Variants in MYO9A observed in about 807,000 individuals in gnomAD.
The protein encoded by MYO9A is unconventional myosin-IXa.
Under a neutral mutation model 293.3 loss-of-function variants are expected in MYO9A, and 103 were observed. The ratio of observed to expected loss-of-function variants is 0.35; its 90% CI spans 0.30 to 0.41. The LOEUF (loss-of-function observed/expected upper bound fraction) is 0.41. Among genes scored for constraint, MYO9A ranks in the 10% least tolerant of loss-of-function variants. The pLI is 1.00. For missense variants in MYO9A, 2,685 were observed against 3,033.0 expected (o/e 0.89, Z 2.69); for synonymous variants, 1,001 against 1,035.7 (o/e 0.97, Z 0.64).
At chr15:72,089,492 G>A (rs532154639) in intron 1 of MYO9A, among the ~76,000 whole-genome samples, 5 of 152,090 alleles carry the variant, frequency 3.3e-5, no homozygotes, top group South Asian at 2.1e-4. Flanking sequence ...TTCAAGAACC[G>A]TATGAGCTGG....
chr15:71,911,122 C>T (rs923110129), intron 19 of MYO9A, among the ~76,000 whole-genome samples: 2 of 152,166 alleles, frequency 1.3e-5, no homozygotes, highest in Admixed American at 1.3e-4. Context: ...AATCTGCTTC[C>T]TGCTGCTATA....
chr15:71,910,311 T>A lies in MYO9A; in HGVS notation c.2686-5305A>T, dbSNP rs78586565. 9.7e-3 allele frequency among the ~76,000 whole-genome samples: 1,477 copies of A among 151,612 alleles called. 24 individuals are homozygous for A. The highest frequency in any genetic ancestry group is 0.034 in the African/African-American group (1,392 of 41,412). ...ATTATTATTCTTACTTTTAAGATGA[T>A]AAGTTAATTTTACCTACTATTAAAG... On this transcript the variant is annotated intron_variant, in intron 19 of 41. Coordinates refer to ENST00000356056, the MANE Select transcript of MYO9A (RefSeq NM_006901.4).
intron 12 of MYO9A, among the ~76,000 whole-genome samples, chr15:71,976,079 CG>C (rs1252611682): frequency 6.6e-6 from 1 of 152,048 alleles, no homozygotes; most frequent in Non-Finnish European, 1.5e-5. Context: ...GGATTACAGG[CG>C]GGGGTCTGAA....
chr15:71,832,669 G>C (rs1468030771), intron 39 of MYO9A, among the ~76,000 whole-genome samples: 1 of 152,148 alleles, frequency 6.6e-6, no homozygotes, highest in South Asian at 2.1e-4. Context: ...TCTCACACCA[G>C]CAGACCTGCA....
At chr15:71,956,328 A>ATATATATAT (rs1555490908) in intron 14 of MYO9A, among the ~76,000 whole-genome samples, 122 of 15,110 alleles carry the variant, frequency 8.1e-3, no homozygotes, top group East Asian at 0.031. Flanking sequence ...AAAAAAAAAA[A>ATATATATAT]AAATATATAT....
intron 12 of MYO9A, among the ~76,000 whole-genome samples, chr15:71,972,939 T>A (rs190875839): frequency 2.0e-5 from 3 of 151,852 alleles, no homozygotes; most frequent in South Asian, 2.1e-4. Context: ...TGCAAACTAA[T>A]AAGAAAAAAA....
chr15:72,100,742 A>C (rs2080255008), intron 1 of MYO9A, among the ~76,000 whole-genome samples: 1 of 147,270 alleles, frequency 6.8e-6, no homozygotes, highest in African/African-American at 2.5e-5. Context: ...CCGTCTGAGA[A>C]GTGAGGAGAC....
intron 32 of MYO9A, among the ~76,000 whole-genome samples, chr15:71,867,346 T>C (rs2056363956): frequency 6.6e-6 from 1 of 152,122 alleles, no homozygotes; most frequent in South Asian, 2.1e-4. Context: ...GAGGAAAGTC[T>C]TAACTATGAC....
intron 39 of MYO9A, among the ~76,000 whole-genome samples, chr15:71,835,743 G>C (rs1353004076): frequency 6.6e-6 from 1 of 152,028 alleles, no homozygotes; most frequent in East Asian, 1.9e-4. Flanking sequence ...AAAATCCCAA[G>C]AGAATTTTTT....
At chr15:72,092,942 C>CACAG (rs3220248) in intron 1 of MYO9A, among the ~76,000 whole-genome samples, 32 of 150,694 alleles carry the variant, frequency 2.1e-4, no homozygotes, top group African/African-American at 7.4e-4. Context: ...CACACACACA[C>CACAG]AGAGATTTGA....
chr15:72,101,964 G>A (rs1335914646), intron 1 of MYO9A, among the ~76,000 whole-genome samples: 5 of 151,944 alleles, frequency 3.3e-5, no homozygotes, highest in African/African-American at 4.8e-5. Context: ...CCCTCTGCCC[G>A]GCCACCACCC....
At chr15:71,842,486 A>G (rs2055201242) in intron 39 of MYO9A, among the ~76,000 whole-genome samples, 1 of 152,164 alleles carries the variant, frequency 6.6e-6, no homozygotes, top group Admixed American at 6.5e-5. Flanking sequence ...TGCCCATATC[A>G]CAACTACTAG....
At chr15:71,893,290 C>T (rs2057231382) in intron 26 of MYO9A, 2 of 804,494 alleles carry the variant, frequency 2.5e-6, no homozygotes, top group Non-Finnish European at 1.7e-6. Flanking sequence ...TGAAATATCC[C>T]TCCACCCAAC....
intron 14 of MYO9A, among the ~76,000 whole-genome samples, chr15:71,953,980 C>G (rs1343746934): frequency 2.6e-5 from 4 of 152,018 alleles, no homozygotes; most frequent in African/African-American, 9.7e-5. Context: ...ACTGCACCCT[C>G]TGCATCCCGG....
chr15:71,904,035 G>A lies in MYO9A; in HGVS notation c.2771C>T (p.Pro924Leu). 6.2e-7 allele frequency: 1 copy of A among 1,612,368 alleles called. No homozygotes were observed. The highest frequency in any genetic ancestry group is 8.5e-7 in the Non-Finnish European group (1 of 1,178,978). ...TACCAAGACATCACTGAACCTTAAG[G>A]GCAGCTAAAGCAAATGGAAAAAAGA... Reference protein sequence around the residue: ...KCIRSNAEKLPLRFSDVLVLR... With the variant: ...KCIRSNAEKLLLRFSDVLVLR... The change falls in exon 21 of 42, where the codon CCC becomes CTC. Residue 924 changes from proline (P) to leucine (L), a missense_variant. Coordinates refer to ENST00000356056, the MANE Select transcript of MYO9A (RefSeq NM_006901.4).
chr15:71,854,953 G>A (rs1460536401), intron 34 of MYO9A, among the ~76,000 whole-genome samples: 2 of 152,202 alleles, frequency 1.3e-5, no homozygotes, highest in East Asian at 1.9e-4. Context: ...AATTAGAGTT[G>A]TCAGCAAGTT....
At chr15:72,078,451 C>G (rs2079439373) in intron 1 of MYO9A, among the ~76,000 whole-genome samples, 1 of 152,102 alleles carries the variant, frequency 6.6e-6, no homozygotes, top group African/African-American at 2.4e-5. Context: ...CAGATCATAC[C>G]ACTGCACTCC....
chr15:72,106,688 C>T (rs940628006), intron 1 of MYO9A, among the ~76,000 whole-genome samples: 3 of 152,028 alleles, frequency 2.0e-5, no homozygotes, highest in African/African-American at 7.2e-5. Flanking sequence ...GCAGCCTCAA[C>T]CTCCTGGGCT....
chr15:71,966,217 T>A (rs1169460880), intron 13 of MYO9A, among the ~76,000 whole-genome samples: 2 of 151,644 alleles, frequency 1.3e-5, no homozygotes, highest in African/African-American at 4.9e-5. Flanking sequence ...CCTTTCTCCA[T>A]CTTTTTACTT....
Sources: allele counts gnomAD v4.1 joint callset (sites outside exome capture counted in the v4.1 genomes callset), GRCh38; gene constraint gnomAD v4.1.1; transcripts MANE v1.5; gene names NCBI Gene and HGNC (gene_info 2026-07-23, HGNC 2026-07-21).